Variants in SPOCK3 observed in about 807,000 individuals in gnomAD.
SPOCK3 encodes the protein testican-3.
In SPOCK3, 30 loss-of-function variants were observed where a neutral mutation model predicts 56.6. The observed-to-expected ratio is 0.53, with a 90% confidence interval of 0.40 to 0.72. The LOEUF (loss-of-function observed/expected upper bound fraction) is 0.72, where lower values mean the gene tolerates loss of function less well. Among genes scored for constraint, SPOCK3 ranks in the 30% least tolerant of loss-of-function variants. The pLI, the probability that SPOCK3 is intolerant of heterozygous loss-of-function variation, is 0.00. For synonymous variants in SPOCK3, 196 were observed against 183.3 expected, an observed-to-expected ratio of 1.07 and a Z score of -0.56; for missense variants, 527 against 530.0, an observed-to-expected ratio of 0.99 and a Z score of 0.06.
At chr4:167,116,703 T>TATAC (rs1761419556) in intron 2 of SPOCK3, among the ~76,000 whole-genome samples, 1 of 119,640 alleles carries the variant, frequency 8.4e-6, no homozygotes, top group Non-Finnish European at 1.7e-5. Flanking sequence ...ATAGTATATA[T>TATAC]ACGTATATAG....
At chr4:166,768,253 C>T (rs1228334009) in intron 7 of SPOCK3, among the ~76,000 whole-genome samples, 2 of 152,090 alleles carry the variant, frequency 1.3e-5, no homozygotes, top group South Asian at 2.1e-4. Context: ...GTTTATTTTG[C>T]TCGTTAGTTG....
At chr4:166,747,998 C>A (rs2126450037) in intron 8 of SPOCK3, among the ~76,000 whole-genome samples, 1 of 152,170 alleles carries the variant, frequency 6.6e-6, no homozygotes, top group Middle Eastern at 3.4e-3. Context: ...ATACAAACAA[C>A]TGGAAGTACA....
intron 7 of SPOCK3, among the ~76,000 whole-genome samples, chr4:166,765,072 G>C (rs1317233249): frequency 2.0e-5 from 3 of 152,026 alleles, no homozygotes; most frequent in African/African-American, 7.2e-5. Flanking sequence ...TGAGTTCTTT[G>C]TAGATTCTGG....
rs185474311 is a variant in SPOCK3 at position 167,142,355 on chromosome 4, G to A, written c.190-79818C>T. 1.7e-3 allele frequency among the ~76,000 whole-genome samples: 252 copies of A among 151,936 alleles called. 1 individual carries two copies. Among genetic ancestry groups the A allele is most frequent in the African/African-American group, 5.5e-3 (230 of 41,466 alleles). On this transcript the variant is annotated intron_variant, in intron 2 of 10. Coordinates refer to ENST00000357545, the MANE Select transcript of SPOCK3 (RefSeq NM_001040159.2). ...TTGATGCAGTAAGATTCAATCAGCAGGCATGCCATCATCATGCTTTTATGG... is the reference window on the plus strand; with the variant it reads ...TTGATGCAGTAAGATTCAATCAGCAAGCATGCCATCATCATGCTTTTATGG...
chr4:167,152,973 A>G (rs906119232), intron 2 of SPOCK3, among the ~76,000 whole-genome samples: 4 of 152,240 alleles, frequency 2.6e-5, no homozygotes, highest in Non-Finnish European at 4.4e-5. Context: ...CAATTACCCA[A>G]TGTAAAGAAA....
At chr4:166,870,793 C>T (rs113654426) in intron 6 of SPOCK3, among the ~76,000 whole-genome samples, 176 of 152,220 alleles carry the variant, frequency 1.2e-3, no homozygotes, top group African/African-American at 3.8e-3. Flanking sequence ...ACTCAAATCT[C>T]ATCTTGAATT....
At chr4:166,933,509 G>T (rs538064445) in intron 4 of SPOCK3, among the ~76,000 whole-genome samples, 1 of 151,946 alleles carries the variant, frequency 6.6e-6, no homozygotes. Flanking sequence ...TCTCTCACAG[G>T]AAATCTCAAT....
chr4:167,002,280 G>T (rs909738511), intron 3 of SPOCK3, among the ~76,000 whole-genome samples: 15 of 151,982 alleles, frequency 9.9e-5, no homozygotes, highest in African/African-American at 3.1e-4. Flanking sequence ...ATAAAATACA[G>T]ATATAAGCTA....
At chr4:166,890,953 T>TA (rs529351893) in intron 5 of SPOCK3, among the ~76,000 whole-genome samples, 120 of 152,172 alleles carry the variant, frequency 7.9e-4, no homozygotes, top group African/African-American at 2.7e-3. Context: ...TGGGTACTCA[T>TA]ATATTTAGGA....
intron 2 of SPOCK3, among the ~76,000 whole-genome samples, chr4:167,181,414 C>T (rs554173948): frequency 6.6e-6 from 1 of 152,196 alleles, no homozygotes; most frequent in Non-Finnish European, 1.5e-5. Context: ...AATTTTCTAA[C>T]TTGCCTCCAT....
At chr4:167,037,214 T>C (rs1202060396) in intron 3 of SPOCK3, among the ~76,000 whole-genome samples, 6 of 152,232 alleles carry the variant, frequency 3.9e-5, no homozygotes, top group Non-Finnish European at 8.8e-5. Flanking sequence ...CCAGGCGCGG[T>C]GGCTCACACC....
At chr4:167,132,146 A>G (rs1167613562) in intron 2 of SPOCK3, among the ~76,000 whole-genome samples, 1 of 152,256 alleles carries the variant, frequency 6.6e-6, no homozygotes, top group East Asian at 1.9e-4. Flanking sequence ...TTCACCTAGG[A>G]TAAATGATGT....
rs181665616 is a variant in SPOCK3 at position 166,791,534 on chromosome 4, T to G, written c.709+636A>C. 3.3e-3 allele frequency among the ~76,000 whole-genome samples: 501 copies of G among 152,324 alleles called. 1 individual carries two copies. The highest frequency in any genetic ancestry group is 6.8e-3 in the Middle Eastern group (2 of 294). Reference sequence around the variant, plus strand: ...CATGCATTACATGATAAACACATTTTTATACAAATGAAAATAATATAAAAT... The same window carrying G: ...CATGCATTACATGATAAACACATTTGTATACAAATGAAAATAATATAAAAT... On this transcript the variant is annotated intron_variant, in intron 7 of 10. Transcript: ENST00000357545.
intron 2 of SPOCK3, among the ~76,000 whole-genome samples, chr4:167,129,013 T>C (rs1271592986): frequency 3.3e-5 from 5 of 152,144 alleles, no homozygotes; most frequent in Admixed American, 3.3e-4. Flanking sequence ...TCCTGCTCTA[T>C]ACCCTTGATT....
intron 6 of SPOCK3, among the ~76,000 whole-genome samples, chr4:166,838,694 T>C (rs1746893169): frequency 6.9e-6 from 1 of 144,530 alleles, no homozygotes; most frequent in African/African-American, 2.6e-5. Flanking sequence ...GGCTCACGCC[T>C]ATAACCCCAG....
At chr4:167,097,816 T>A (rs1036260251) in intron 2 of SPOCK3, among the ~76,000 whole-genome samples, 45 of 151,854 alleles carry the variant, frequency 3.0e-4, no homozygotes, top group African/African-American at 1.0e-3. Context: ...AGTGGTGGAA[T>A]GGAAAAAGAA....
chr4:167,074,054 TAA>T (rs35446801), intron 2 of SPOCK3, among the ~76,000 whole-genome samples: 5 of 139,822 alleles, frequency 3.6e-5, no homozygotes, highest in African/African-American at 2.6e-5. Flanking sequence ...ACACACTTTC[TAA>T]AAAAAAAAAA....
At chr4:167,012,501 T>C (rs545455991) in intron 3 of SPOCK3, among the ~76,000 whole-genome samples, 1 of 152,036 alleles carries the variant, frequency 6.6e-6, no homozygotes, top group South Asian at 2.1e-4. Context: ...TATTAGGTGA[T>C]TAAGTTATAT....
intron 4 of SPOCK3, among the ~76,000 whole-genome samples, chr4:166,961,709 C>G (rs28370988): frequency 6.6e-6 from 1 of 151,946 alleles, no homozygotes; most frequent in Non-Finnish European, 1.5e-5. Flanking sequence ...AGATAGTTTC[C>G]GGGACATTTT....
Sources: allele counts gnomAD v4.1 joint callset (sites outside exome capture counted in the v4.1 genomes callset), GRCh38; gene constraint gnomAD v4.1.1; transcripts MANE v1.5; gene names NCBI Gene and HGNC (gene_info 2026-07-23, HGNC 2026-07-21).